The following GRK3 variants were observed in gnomAD, a reference collection of about 807,000 sequenced individuals.
GRK3 encodes G protein-coupled receptor kinase 3.
In GRK3, 54 loss-of-function variants were observed where a neutral mutation model predicts 95.7. That is an observed-to-expected ratio of 0.56 (90% CI 0.45 to 0.71). The LOEUF (loss-of-function observed/expected upper bound fraction) is 0.71, where lower values mean the gene tolerates loss of function less well. Ranked by LOEUF, GRK3 falls within the 30% of genes least tolerant of loss-of-function variation. GRK3 has a pLI of 0.00. For missense variants in GRK3, 649 were observed against 851.2 expected, an observed-to-expected ratio of 0.76 and a Z score of 2.96; for synonymous variants, 281 against 290.8, an observed-to-expected ratio of 0.97 and a Z score of 0.34.
chr22:25,722,252 A>T (rs762347867), intron 20 of GRK3, 37 bp from the exon 21 acceptor site: 1 of 1,606,628 alleles, frequency 6.2e-7, no homozygotes, highest in South Asian at 1.1e-5. Context: ...AAAATGGGTG[A>T]GCCTGTCACA....
intron 3 of GRK3, among the ~76,000 whole-genome samples, chr22:25,645,794 G>A (rs1293461944): frequency 2.6e-5 from 4 of 152,066 alleles, no homozygotes; most frequent in Admixed American, 6.5e-5. Flanking sequence ...AGTGGTGGGC[G>A]CCTGTAGTCC....
Position 25,672,456 on chromosome 22 carries a change from C to T in GRK3, c.555+109C>T. The T allele has an allele frequency of 4.6e-6, 3 of 652,114 alleles. No individual in the cohort carries two copies. In the South Asian group the frequency reaches 5.3e-5, roughly 12 times the overall value. 40.4% of individuals were successfully genotyped at this position (652,114 alleles called of 1,614,324 possible). A position where few individuals can be genotyped will look rare whatever the true frequency, so the allele number is the denominator to read the frequency against. On this transcript the variant is annotated intron_variant, in intron 7 of 20. Transcript: ENST00000324198. The stretch of plus-strand genomic sequence containing the variant: ...ACGTACTCCCAGAGGGTCCACTGCC[C>T]AAACAGATGTCTGTCTTACAGCTTT...
intron 2 of GRK3, among the ~76,000 whole-genome samples, chr22:25,611,028 A>T (rs1026316711): frequency 1.2e-4 from 18 of 151,938 alleles, no homozygotes; most frequent in African/African-American, 3.9e-4. Context: ...CACCCAGCTA[A>T]TTTTTGTATT....
At chr22:25,577,135 T>C (rs1931928613) in intron 1 of GRK3, among the ~76,000 whole-genome samples, 1 of 152,172 alleles carries the variant, frequency 6.6e-6, no homozygotes, top group East Asian at 1.9e-4. Flanking sequence ...ATGAGTATCC[T>C]TGACTTGAAC....
intron 13 of GRK3, among the ~76,000 whole-genome samples, chr22:25,702,356 G>A (rs2085265709): frequency 6.6e-6 from 1 of 152,108 alleles, no homozygotes; most frequent in South Asian, 2.1e-4. Flanking sequence ...TAGAATCTCT[G>A]ATTTATGTGT....
chr22:25,665,683 T>G (rs2084937118), intron 5 of GRK3, among the ~76,000 whole-genome samples: 1 of 151,892 alleles, frequency 6.6e-6, no homozygotes, highest in South Asian at 2.1e-4. Context: ...ATTAATGCAA[T>G]TCTATGTATT....
At chr22:25,573,125 T>C (rs1309888495) in intron 1 of GRK3, among the ~76,000 whole-genome samples, 1 of 152,250 alleles carries the variant, frequency 6.6e-6, no homozygotes, top group African/African-American at 2.4e-5. Flanking sequence ...GCAGCTCCTC[T>C]AGCTCAAGAT....
At chr22:25,640,009 C>G (rs985428356) in intron 2 of GRK3, among the ~76,000 whole-genome samples, 1 of 152,006 alleles carries the variant, frequency 6.6e-6, no homozygotes, top group East Asian at 1.9e-4. Flanking sequence ...ATCTAATGAC[C>G]TTATGTCCTG....
chr22:25,706,528 CTTTTTAT>C (rs928958464), intron 15 of GRK3, among the ~76,000 whole-genome samples: 25 of 152,210 alleles, frequency 1.6e-4, no homozygotes, highest in African/African-American at 3.6e-4. Context: ...TTTATTTTTA[CTTTTTAT>C]TTTTTATTTT....
In GRK3 at chr22:25,667,927, G is replaced by A. The variant is rs936858311; in HGVS notation, c.503+127G>A. The A allele has an allele frequency of 4.2e-5, 25 of 599,666 alleles. 1 individual carries two copies. The highest frequency in any genetic ancestry group is 4.2e-5 in the Non-Finnish European group (14 of 335,856). The allele number at this position is 599,666 out of a possible 1,614,324, so 37.1% of individuals were successfully genotyped here. ...CAAGTATTCACTGACCATGTACGAT[G>A]TGCCAGGCTTTGTGTTAAACTGTTT... is the stretch of plus-strand genomic sequence containing the variant. On this transcript the variant is annotated intron_variant, in intron 6 of 20. Coordinates refer to ENST00000324198, the MANE Select transcript of GRK3 (RefSeq NM_005160.4).
intron 13 of GRK3, among the ~76,000 whole-genome samples, chr22:25,697,078 G>T (rs971173306): frequency 6.6e-6 from 1 of 152,174 alleles, no homozygotes; most frequent in Non-Finnish European, 1.5e-5. Flanking sequence ...CCTACCTACA[G>T]AATTTGGAGA....
At chr22:25,712,058 G>A (rs1252039550) in intron 17 of GRK3, among the ~76,000 whole-genome samples, 1 of 152,250 alleles carries the variant, frequency 6.6e-6, no homozygotes, top group East Asian at 1.9e-4. Flanking sequence ...TGGGAGGATT[G>A]TGGGGAAGGA....
intron 11 of GRK3, among the ~76,000 whole-genome samples, chr22:25,687,979 G>C (rs1048533632): frequency 6.6e-6 from 1 of 152,186 alleles, no homozygotes; most frequent in Non-Finnish European, 1.5e-5. Context: ...GCTCATGCCT[G>C]TAATCCCAGC....
Position 25,725,592 on chromosome 22 carries a change from A to G in GRK3, c.*3142A>G. ...AGCTTATTATGTCACCATTCATGCAAAGTGCTCATGCCTCTGATTGGTCCA... is the reference window on the plus strand; with the variant it reads ...AGCTTATTATGTCACCATTCATGCAGAGTGCTCATGCCTCTGATTGGTCCA... On this transcript the variant is annotated 3_prime_UTR_variant, in exon 21 of 21. Transcript: ENST00000324198. 2.5e-6 allele frequency: 1 copy of G among 398,528 alleles called. No individual in the cohort carries two copies. The highest frequency in any genetic ancestry group is 4.4e-6 in the Non-Finnish European group (1 of 226,050). 24.7% of individuals were successfully genotyped at this position (398,528 alleles called of 1,614,324 possible). A position where few individuals can be genotyped will look rare whatever the true frequency, so the allele number is the denominator to read the frequency against.
At chr22:25,718,482 T>C (rs910429637) in intron 19 of GRK3, 101 bp downstream of exon 19, 4 of 1,299,928 alleles carry the variant, frequency 3.1e-6, no homozygotes, top group African/African-American at 3.0e-5. Context: ...CCTCCGAAAC[T>C]CTGTGATTCT....
intron 11 of GRK3, among the ~76,000 whole-genome samples, chr22:25,688,011 C>T (rs13057707): frequency 0.026 from 3,981 of 152,152 alleles, 55 homozygotes; most frequent in Non-Finnish European, 0.034. Context: ...CCAAGGAGGG[C>T]GGATCACAAG....
At chr22:25,571,948 G>C (rs1018765463) in intron 1 of GRK3, among the ~76,000 whole-genome samples, 6 of 152,012 alleles carry the variant, frequency 3.9e-5, no homozygotes, top group African/African-American at 7.3e-5. Context: ...ATGTTGGTGT[G>C]CTGCACCCAT....
At chr22:25,626,438 G>A (rs2084628871) in intron 2 of GRK3, among the ~76,000 whole-genome samples, 1 of 152,088 alleles carries the variant, frequency 6.6e-6, no homozygotes, top group East Asian at 1.9e-4. Flanking sequence ...GGAGTGAGAG[G>A]GAGTGTTCAC....
At chr22:25,587,881 C>T (rs1188542836) in intron 1 of GRK3, among the ~76,000 whole-genome samples, 1 of 152,212 alleles carries the variant, frequency 6.6e-6, no homozygotes, top group African/African-American at 2.4e-5. Flanking sequence ...ATTGTGAGGC[C>T]TCCCCAGCCA....
Sources: allele counts gnomAD v4.1 joint callset (sites outside exome capture counted in the v4.1 genomes callset), GRCh38; gene constraint gnomAD v4.1.1; transcripts MANE v1.5; gene names NCBI Gene and HGNC (gene_info 2026-07-23, HGNC 2026-07-21).